The following PCCA variants were observed in gnomAD, a reference collection of about 807,000 sequenced individuals.
PCCA encodes the protein propionyl-CoA carboxylase subunit alpha, also known as propionyl-CoA carboxylase alpha chain, mitochondrial.
A neutral mutation model predicts 101.3 loss-of-function variants in PCCA; 74 were observed. The observed-to-expected ratio is 0.73, with a 90% CI of 0.61 to 0.89. The LOEUF is 0.89. PCCA is among the 40% of genes least tolerant of loss of function. The pLI, the probability that PCCA is intolerant of heterozygous loss-of-function variation, is 0.00. For missense variants in PCCA, 891 were observed against 907.0 expected, an observed-to-expected ratio of 0.98 and a Z score of 0.23; for synonymous variants, 294 against 313.6, an observed-to-expected ratio of 0.94 and a Z score of 0.66.
At chr13:100,187,334 G>A (rs2057366866) in intron 6 of PCCA, among the ~76,000 whole-genome samples, 1 of 152,160 alleles carries the variant, frequency 6.6e-6, no homozygotes, top group Non-Finnish European at 1.5e-5. Flanking sequence ...AGACCAACAT[G>A]GGAAGAAGAA....
intron 9 of PCCA, among the ~76,000 whole-genome samples, chr13:100,261,870 T>C (rs2062547185): frequency 6.6e-6 from 1 of 152,194 alleles, no homozygotes; most frequent in Non-Finnish European, 1.5e-5. Flanking sequence ...GGATTTAAAA[T>C]ATTAAGCAGT....
chr13:100,266,955 G>A (rs2062979716), intron 10 of PCCA, among the ~76,000 whole-genome samples: 1 of 152,146 alleles, frequency 6.6e-6, no homozygotes, highest in African/African-American at 2.4e-5. Context: ...TCCCTTAAAA[G>A]CAGTATTTAT....
At position 100,277,545 on chromosome 13, in the gene PCCA, A is replaced by G. The variant is rs78728697; in HGVS notation, c.1065+4199A>G. Among the ~76,000 whole-genome samples, 527 of 152,256 alleles carry G rather than the reference A, an allele frequency of 3.5e-3. 5 individuals are homozygous for G. Among genetic ancestry groups the G allele is most frequent in the African/African-American group, 0.012 (508 of 41,542 alleles). On this transcript the variant is annotated intron_variant, in intron 12 of 23. Coordinates refer to ENST00000376285, the MANE Select transcript of PCCA (RefSeq NM_000282.4). Reference sequence around the variant, plus strand: ...CCAAGCTGAGTGGCTTTAGAGGTACATTATGCCTATAGATTAAATAAGTTT... The same window carrying G: ...CCAAGCTGAGTGGCTTTAGAGGTACGTTATGCCTATAGATTAAATAAGTTT...
At chr13:100,248,116 T>A (rs2061552140) in intron 8 of PCCA, among the ~76,000 whole-genome samples, 1 of 152,176 alleles carries the variant, frequency 6.6e-6, no homozygotes, top group Non-Finnish European at 1.5e-5. Flanking sequence ...TGGACTGGAT[T>A]TTTATTTTAT....
In PCCA at chr13:100,303,080, C is replaced by T. The variant is rs140798865; in HGVS notation, c.1284+82C>T. 1,586 of 844,062 alleles carry T rather than the reference C, an allele frequency of 1.9e-3. 19 individuals carry two copies. The African/African-American group carries it at 0.023, about 12-fold the overall frequency. 52.3% of individuals were successfully genotyped at this position (844,062 alleles called of 1,614,324 possible). ...CTTTTATGTTAAAGCATGTCAACAC[C>T]AAAGGGTGTAAATTGAAGGACAAGT... On this transcript the variant is annotated intron_variant, in intron 14 of 23. Coordinates refer to ENST00000376285, the MANE Select transcript of PCCA (RefSeq NM_000282.4).
At chr13:100,205,878 G>GT (rs1172308068) in intron 6 of PCCA, among the ~76,000 whole-genome samples, 1 of 152,096 alleles carries the variant, frequency 6.6e-6, no homozygotes, top group Admixed American at 6.6e-5. Flanking sequence ...TTTACTTAGT[G>GT]TTTAGTGGGT....
intron 18 of PCCA, among the ~76,000 whole-genome samples, chr13:100,353,946 C>G (rs2073612740): frequency 6.6e-6 from 1 of 151,706 alleles, no homozygotes; most frequent in Non-Finnish European, 1.5e-5. Context: ...AAGTGAGACC[C>G]TATCTCAAAA....
At chr13:100,256,454 T>C (rs963936735) in intron 8 of PCCA, among the ~76,000 whole-genome samples, 3 of 152,240 alleles carry the variant, frequency 2.0e-5, no homozygotes, top group African/African-American at 7.2e-5. Context: ...TAAGAGCATG[T>C]TCTTTATCTG....
chr13:100,402,568 G>A (rs2077431937), intron 19 of PCCA, among the ~76,000 whole-genome samples: 1 of 152,100 alleles, frequency 6.6e-6, no homozygotes, highest in Non-Finnish European at 1.5e-5. Flanking sequence ...CCACCCTCAC[G>A]AACTTCCAGC....
At chr13:100,222,038 C>G (rs1434857643) in intron 7 of PCCA, among the ~76,000 whole-genome samples, 2 of 151,680 alleles carry the variant, frequency 1.3e-5, no homozygotes, top group East Asian at 3.9e-4. Flanking sequence ...AGCCACTGCG[C>G]CTGGTGGAAA....
intron 19 of PCCA, among the ~76,000 whole-genome samples, chr13:100,409,374 C>T (rs1028635043): frequency 1.3e-5 from 2 of 152,038 alleles, no homozygotes; most frequent in Non-Finnish European, 2.9e-5. Flanking sequence ...TGTCCCATGG[C>T]CAGAAGAATT....
intron 18 of PCCA, among the ~76,000 whole-genome samples, chr13:100,341,957 G>GTGTATATATATATATATATATATA (rs371378776): frequency 9.3e-6 from 1 of 107,170 alleles, no homozygotes; most frequent in African/African-American, 4.3e-5. Context: ...ACCCTTCAAA[G>GTGTATATATATATATATATATATA]TATATATATA....
chr13:100,525,751 A>G (rs902945888), intron 22 of PCCA, among the ~76,000 whole-genome samples: 3 of 152,138 alleles, frequency 2.0e-5, no homozygotes, highest in East Asian at 1.9e-4. Flanking sequence ...TGTGAAGCCA[A>G]TGTACTTGGC....
chr13:100,205,791 A>C (rs1405646028), intron 6 of PCCA, among the ~76,000 whole-genome samples: 2 of 152,146 alleles, frequency 1.3e-5, no homozygotes, highest in East Asian at 3.9e-4. Flanking sequence ...ATTTATAATA[A>C]AATTTTCCAT....
At chr13:100,168,689 C>T (rs2055309333) in intron 6 of PCCA, among the ~76,000 whole-genome samples, 1 of 152,044 alleles carries the variant, frequency 6.6e-6, no homozygotes, top group South Asian at 2.1e-4. Context: ...CCCTTTCTGC[C>T]CGGTTGTTAG....
intron 19 of PCCA, among the ~76,000 whole-genome samples, chr13:100,412,693 TC>T (rs2152873005): frequency 6.6e-6 from 1 of 152,286 alleles, no homozygotes; most frequent in Non-Finnish European, 1.5e-5. Flanking sequence ...ACCAGGGTCT[TC>T]CTTGAGATGT....
At chr13:100,389,532 A>T (rs1184384964) in intron 19 of PCCA, among the ~76,000 whole-genome samples, 1 of 152,174 alleles carries the variant, frequency 6.6e-6, no homozygotes, top group Admixed American at 6.6e-5. Context: ...TAGGCTTAAT[A>T]CCTAGGTGAT....
At chr13:100,513,820 G>A (rs2086645814) in intron 21 of PCCA, among the ~76,000 whole-genome samples, 2 of 152,206 alleles carry the variant, frequency 1.3e-5, no homozygotes, top group South Asian at 4.1e-4. Flanking sequence ...CGCAGCTCAG[G>A]GCGATACCAA....
intron 12 of PCCA, among the ~76,000 whole-genome samples, chr13:100,280,696 A>G (rs1222967247): frequency 1.3e-5 from 2 of 152,214 alleles, no homozygotes; most frequent in African/African-American, 2.4e-5. Flanking sequence ...TTTCCTTTCC[A>G]AAGTTTCAGC....
Sources: allele counts gnomAD v4.1 joint callset (sites outside exome capture counted in the v4.1 genomes callset), GRCh38; gene constraint gnomAD v4.1.1; transcripts MANE v1.5; gene names NCBI Gene and HGNC (gene_info 2026-07-23, HGNC 2026-07-21).